Variants in UBAP2 observed in about 807,000 individuals in gnomAD.
The protein encoded by UBAP2 is ubiquitin-associated protein 2.
UBAP2 carries 75 observed loss-of-function variants against 139.6 expected under a neutral mutation model. That is an observed-to-expected ratio of 0.54 (90% CI 0.45 to 0.65). The LOEUF is 0.65. UBAP2 is among the 30% of genes least tolerant of loss of function. The probability of loss-of-function intolerance (pLI) is 0.00; values close to 1 mark genes in which losing one functional copy is unlikely to be tolerated. For missense variants in UBAP2, 1,368 were observed against 1,369.6 expected (o/e 1.00, Z 0.02); for synonymous variants, 526 against 526.2 (o/e 1.00, Z 0.01).
intron 6 of UBAP2, among the ~76,000 whole-genome samples, chr9:33,984,016 G>A (rs1202962215): frequency 6.6e-6 from 1 of 151,952 alleles, no homozygotes; most frequent in Non-Finnish European, 1.5e-5. Context: ...CAGTTCTCGT[G>A]CCTCAGCGTC....
In UBAP2 at chr9:33,927,073, T is replaced by A. The variant is rs1315492072; in HGVS notation, c.2379A>T (p.Ala793=). 1 of 1,611,476 alleles carries A rather than the reference T, an allele frequency of 6.2e-7. No homozygotes were observed. The highest frequency in any genetic ancestry group is 1.7e-5 in the Admixed American group (1 of 59,624). ...GCACCCCCTGAGGTAAGTTTGGGGGTGCTTTGCCTGTATAGAGGGAAAAAT... is the reference window on the plus strand; with the variant it reads ...GCACCCCCTGAGGTAAGTTTGGGGGAGCTTTGCCTGTATAGAGGGAAAAAT... The part of the protein sequence containing the change: ...RAAPLVTSGK[A]PPNLPQGVPP... The change falls in exon 21 of 29, where the codon GCA becomes GCT. Residue 793 remains alanine (A), a synonymous_variant. Transcript: ENST00000379238.
At chr9:34,033,275 T>C (rs1422666886) in intron 1 of UBAP2, among the ~76,000 whole-genome samples, 4 of 152,112 alleles carry the variant, frequency 2.6e-5, no homozygotes, top group Non-Finnish European at 4.4e-5. Context: ...GAGTACTACT[T>C]AGCCATAAAA....
chr9:33,926,855 G>T, intron 21 of UBAP2, 134 bp downstream of exon 21: 2 of 1,000,358 alleles, frequency 2.0e-6, no homozygotes, highest in Non-Finnish European at 3.1e-6. Flanking sequence ...GCTCAGTGGG[G>T]CAGAGACGGG....
Position 33,963,794 on chromosome 9 carries a change from G to T in UBAP2, c.680-3C>A. ...GTTGTGAGTATTTGATGCCAGTTCT[G>T]TGGACCAATGTAAAATTGAGGGTTT... is the stretch of plus-strand genomic sequence containing the variant. On this transcript the variant is annotated splice_region_variant and splice_polypyrimidine_tract_variant and intron_variant, in intron 8 of 28. Transcript: ENST00000379238. 6.2e-7 allele frequency: 1 copy of T among 1,608,428 alleles called. No homozygotes were observed. The highest frequency in any genetic ancestry group is 8.5e-7 in the Non-Finnish European group (1 of 1,175,186).
At chr9:33,932,680 T>A in intron 18 of UBAP2, 52 bp from the exon 19 acceptor site, 1 of 1,603,824 alleles carries the variant, frequency 6.2e-7, no homozygotes. Flanking sequence ...TGACTCCAGA[T>A]GAACAAGACG....
intron 6 of UBAP2, among the ~76,000 whole-genome samples, chr9:33,978,226 T>G (rs913078745): frequency 6.6e-6 from 1 of 151,968 alleles, no homozygotes; most frequent in African/African-American, 2.4e-5. Context: ...AAGAAGGTAC[T>G]ACAGAGGATT....
intron 1 of UBAP2, among the ~76,000 whole-genome samples, chr9:34,044,939 G>A (rs1045432448): frequency 1.2e-4 from 18 of 152,148 alleles, no homozygotes; most frequent in Admixed American, 3.3e-4. Context: ...CTTAATGTGA[G>A]CCCTATTTCA....
At chr9:33,923,326 G>A (rs1823097426) in intron 25 of UBAP2, 33 bp from the exon 26 acceptor site, 1 of 1,613,900 alleles carries the variant, frequency 6.2e-7, no homozygotes, top group Non-Finnish European at 8.5e-7. Flanking sequence ...GCAAGTGTGA[G>A]CCAGGCAAGC....
intron 1 of UBAP2, among the ~76,000 whole-genome samples, chr9:34,024,987 A>C (rs573338856): frequency 2.2e-4 from 32 of 144,894 alleles, no homozygotes; most frequent in East Asian, 1.8e-3. Context: ...CTGTCTCCCC[A>C]AAAAAAAAAA....
intron 8 of UBAP2, among the ~76,000 whole-genome samples, chr9:33,965,740 G>C (rs887095359): frequency 6.6e-6 from 1 of 152,188 alleles, no homozygotes; most frequent in Non-Finnish European, 1.5e-5. Context: ...TGCAGTGTTA[G>C]AGCAGTTCTT....
chr9:33,955,455 G>T (rs1231374335), intron 11 of UBAP2, among the ~76,000 whole-genome samples: 1 of 151,944 alleles, frequency 6.6e-6, no homozygotes. Context: ...GGACGGCGGG[G>T]GTTGCAGTGA....
intron 4 of UBAP2, 75 bp from the exon 5 acceptor site, chr9:33,989,201 T>A: frequency 7.2e-7 from 1 of 1,384,920 alleles, no homozygotes; most frequent in Non-Finnish European, 9.4e-7. Flanking sequence ...GCATGTATCT[T>A]TCTTTTTTTT....
intron 2 of UBAP2, among the ~76,000 whole-genome samples, chr9:34,002,059 C>A (rs1822754572): frequency 6.6e-6 from 1 of 151,922 alleles, no homozygotes; most frequent in Admixed American, 6.6e-5. Flanking sequence ...CAGGCTCAAG[C>A]ACTCCTCTGA....
chr9:34,041,568 G>A (rs1827097048), intron 1 of UBAP2, among the ~76,000 whole-genome samples: 1 of 147,976 alleles, frequency 6.8e-6, no homozygotes, highest in African/African-American at 2.5e-5. Context: ...ATGGTGGCAG[G>A]TGTCTGTAAT....
intron 8 of UBAP2, 99 bp from the exon 9 acceptor site, chr9:33,963,890 G>A (rs928983710): frequency 4.3e-5 from 36 of 837,700 alleles, no homozygotes; most frequent in Middle Eastern, 4.5e-4. Context: ...TATATGCTGC[G>A]TTACTGCCCA....
chr9:33,988,384 C>T (rs1821393319), intron 5 of UBAP2, among the ~76,000 whole-genome samples: 1 of 152,160 alleles, frequency 6.6e-6, no homozygotes, highest in Non-Finnish European at 1.5e-5. Flanking sequence ...TACACTGACA[C>T]ACTGCCAGAG....
intron 2 of UBAP2, among the ~76,000 whole-genome samples, chr9:34,006,881 T>C (rs1048336010): frequency 3.3e-5 from 5 of 152,176 alleles, no homozygotes; most frequent in South Asian, 2.1e-4. Flanking sequence ...GACTTAAGTA[T>C]TGACAGTGAC....
In UBAP2 at chr9:33,989,234, G is replaced by C. The variant is rs1307667723; in HGVS notation, c.289-108C>G. ...TTTTTTTTTTTTGAGACGGAGTCTC[G>C]CTCTGTCGCCCAGGCTGGAGTGCAT... On this transcript the variant is annotated intron_variant, in intron 4 of 28. Coordinates refer to ENST00000379238, the MANE Select transcript of UBAP2 (RefSeq NM_001370062.2). 3 of 1,277,326 alleles carry C rather than the reference G, an allele frequency of 2.3e-6. No individual in the cohort carries two copies. In the African/African-American group the frequency reaches 5.0e-5, roughly 21 times the overall value. The allele number at this position is 1,277,326 out of a possible 1,614,324, so 79.1% of individuals were successfully genotyped here.
intron 12 of UBAP2, among the ~76,000 whole-genome samples, chr9:33,952,254 C>T (rs2130969901): frequency 6.6e-6 from 1 of 152,252 alleles, no homozygotes; most frequent in South Asian, 2.1e-4. Flanking sequence ...TCAGAACTTC[C>T]TGTAGTTGGG....
Sources: allele counts gnomAD v4.1 joint callset (sites outside exome capture counted in the v4.1 genomes callset), GRCh38; gene constraint gnomAD v4.1.1; transcripts MANE v1.5; gene names NCBI Gene and HGNC (gene_info 2026-07-23, HGNC 2026-07-21).